The following RAD51B variants were observed in gnomAD, a reference collection of about 807,000 sequenced individuals.
RAD51B encodes the protein DNA repair protein RAD51 homolog 2.
Under a neutral mutation model 42.2 loss-of-function variants are expected in RAD51B, and 38 were observed. The observed-to-expected ratio is 0.90, with a 90% confidence interval of 0.70 to 1.18. RAD51B has a LOEUF of 1.18. RAD51B is among the 50% of genes most tolerant of loss of function. The pLI, the probability that RAD51B is intolerant of heterozygous loss-of-function variation, is 0.00. For missense variants in RAD51B, 373 were observed against 400.7 expected (o/e 0.93, Z 0.59); for synonymous variants, 154 against 145.2 (o/e 1.06, Z -0.43).
At chr14:68,615,376 C>T (rs1481478850), downstream of RAD51B, among the ~76,000 whole-genome samples, 3 of 151,502 alleles carry the variant, frequency 2.0e-5, no homozygotes, top group African/African-American at 4.9e-5. Context: ...GACGGAGTCT[C>T]GCTCTGTCGC....
chr14:68,448,341 T>A (rs1481803741), intron 9 of RAD51B, among the ~76,000 whole-genome samples: 1 of 152,224 alleles, frequency 6.6e-6, no homozygotes, highest in African/African-American at 2.4e-5. Context: ...AGTACAGGCA[T>A]TTAAGCCACT....
At chr14:67,861,432 A>C (rs1430215895) in intron 4 of RAD51B, among the ~76,000 whole-genome samples, 1 of 151,924 alleles carries the variant, frequency 6.6e-6, no homozygotes, top group Non-Finnish European at 1.5e-5. Flanking sequence ...TGAGTCCTGG[A>C]GTTCAAGACC....
chr14:68,375,731 A>G (rs766604132), intron 8 of RAD51B, among the ~76,000 whole-genome samples: 8 of 152,136 alleles, frequency 5.3e-5, no homozygotes, highest in Non-Finnish European at 1.2e-4. Context: ...GAATGCATTA[A>G]TGAATCAGCT....
intron 10 of RAD51B, among the ~76,000 whole-genome samples, chr14:68,524,226 G>A (rs1406654157): frequency 6.6e-6 from 1 of 152,182 alleles, no homozygotes. Context: ...CCGACAGAGA[G>A]AGCTGCTGTC....
chr14:68,658,606 A>C lies in RAD51B; in HGVS notation c.*11+7750A>C, dbSNP rs141313016. ...TACAAGGAATAGGACGGAATGAACT[A>C]CACTCCATCCACAGAGGGAAACATG... On this transcript the variant is annotated intron_variant, in intron 11 of 11. Coordinates refer to the RAD51B transcript ENST00000488612. Among the ~76,000 whole-genome samples the C allele has an allele frequency of 4.8e-4, 73 of 152,308 alleles. No individual in the cohort carries two copies. In the East Asian group the frequency reaches 0.01, roughly 21 times the overall value.
At chr14:67,893,490 ACACAC>A (rs2043286809) in intron 7 of RAD51B, among the ~76,000 whole-genome samples, 4 of 76,440 alleles carry the variant, frequency 5.2e-5, no homozygotes, top group African/African-American at 1.4e-4. Context: ...ACACACACAC[ACACAC>A]ACACACACAC....
rs376587927 is a variant in RAD51B at position 68,621,805 on chromosome 14, C to T, written c.1037-28976C>T. On this transcript the variant is annotated intron_variant, in intron 10 of 11. Transcript: ENST00000488612. Reference sequence around the variant, plus strand: ...TAGCAAGAATAAAACAAGCTGTCAGCAGCCAGGGCCCAGCTGATCTCCTCA... The same window carrying T: ...TAGCAAGAATAAAACAAGCTGTCAGTAGCCAGGGCCCAGCTGATCTCCTCA... Among the ~76,000 whole-genome samples, 1,143 of 152,302 alleles carry T rather than the reference C, an allele frequency of 7.5e-3. 17 individuals are homozygous for T. Among genetic ancestry groups the T allele is most frequent in the African/African-American group, 0.026 (1,071 of 41,558 alleles).
chr14:68,196,699 A>G (rs4439690), intron 7 of RAD51B, among the ~76,000 whole-genome samples: 4,328 of 152,192 alleles, frequency 0.028, 232 homozygotes, highest in African/African-American at 0.1. Context: ...TTAGTGGCCC[A>G]CACTAGATTA....
At chr14:68,089,322 G>A (rs1482100094) in intron 7 of RAD51B, among the ~76,000 whole-genome samples, 1 of 152,092 alleles carries the variant, frequency 6.6e-6, no homozygotes, top group Non-Finnish European at 1.5e-5. Flanking sequence ...CCCCTCTCCT[G>A]TTCATGACTC....
At chr14:68,088,261 A>G (rs1051327458) in intron 7 of RAD51B, among the ~76,000 whole-genome samples, 2 of 151,418 alleles carry the variant, frequency 1.3e-5, no homozygotes, top group Non-Finnish European at 2.9e-5. Flanking sequence ...CCTGCATGCT[A>G]TCATAGTAAA....
At chr14:68,591,626 T>A (rs1890745084) in intron 10 of RAD51B, among the ~76,000 whole-genome samples, 1 of 152,208 alleles carries the variant, frequency 6.6e-6, no homozygotes. Context: ...CCTGTGTGTG[T>A]GTGGCCGGTG....
intron 2 of RAD51B, 79 bp from the exon 3 acceptor site, chr14:67,825,385 A>C: frequency 1.1e-6 from 1 of 887,834 alleles, no homozygotes; most frequent in Non-Finnish European, 1.7e-6. Context: ...CATAAGCAGT[A>C]TCAATTGAAG....
chr14:68,072,183 T>C lies in RAD51B; in HGVS notation c.756+184979T>C, dbSNP rs958570310. Among the ~76,000 whole-genome samples, 3 of 135,302 alleles carry C rather than the reference T, an allele frequency of 2.2e-5. No individual in the cohort carries two copies. The East Asian group carries it at 6.0e-4, about 27-fold the overall frequency. The allele number at this position is 135,302 out of a possible 152,430, so 88.8% of individuals were successfully genotyped here. A position where few individuals can be genotyped will look rare whatever the true frequency, so the allele number is the denominator to read the frequency against. ...TTTTTTCTAGGTTTTATATATATAT[T>C]TTCTAGGTTTCTAGGTTTTCTAGGT... On this transcript the variant is annotated intron_variant, in intron 7 of 10. Coordinates refer to ENST00000471583, the MANE Select transcript of RAD51B (RefSeq NM_133510.4).
chr14:67,967,777 G>T (rs1306430575), intron 7 of RAD51B, among the ~76,000 whole-genome samples: 3 of 152,164 alleles, frequency 2.0e-5, no homozygotes, highest in African/African-American at 7.2e-5. Context: ...GCTTTTCAAG[G>T]TGGAAGGTGC....
intron 7 of RAD51B, among the ~76,000 whole-genome samples, chr14:68,111,198 C>CT (rs1316826781): frequency 2.6e-5 from 4 of 151,918 alleles, no homozygotes; most frequent in East Asian, 1.9e-4. Context: ...CAAAGTTCAA[C>CT]TTTTTTTTAT....
At chr14:68,530,760 A>AT (rs746681116) in intron 10 of RAD51B, among the ~76,000 whole-genome samples, 6 of 152,166 alleles carry the variant, frequency 3.9e-5, no homozygotes, top group Non-Finnish European at 8.8e-5. Flanking sequence ...TAAAATATGT[A>AT]TTATATCAAG....
chr14:67,858,255 G>C (rs1197500285), intron 4 of RAD51B, among the ~76,000 whole-genome samples: 1 of 152,214 alleles, frequency 6.6e-6, no homozygotes, highest in Non-Finnish European at 1.5e-5. Flanking sequence ...TCCCTGTCTG[G>C]CATCCAAGAA....
intron 7 of RAD51B, among the ~76,000 whole-genome samples, chr14:68,252,045 T>G (rs1285143781): frequency 6.6e-6 from 1 of 152,332 alleles, no homozygotes; most frequent in African/African-American, 2.4e-5. Context: ...GCCTTTCTTT[T>G]TGAGTCCCTT....
chr14:68,385,791 A>T (rs1175243001), intron 8 of RAD51B, among the ~76,000 whole-genome samples: 1 of 152,182 alleles, frequency 6.6e-6, no homozygotes, highest in Non-Finnish European at 1.5e-5. Flanking sequence ...TTCAGCTTTA[A>T]GTATGAAAAT....
Sources: allele counts gnomAD v4.1 joint callset (sites outside exome capture counted in the v4.1 genomes callset), GRCh38; gene constraint gnomAD v4.1.1; transcripts MANE v1.5; gene names NCBI Gene and HGNC (gene_info 2026-07-23, HGNC 2026-07-21).